Variants in TCF20 observed in about 807,000 individuals in gnomAD.
The protein encoded by TCF20 is SPRE-binding protein.
In TCF20, 3 loss-of-function variants were observed where a neutral mutation model predicts 148.6. That is an observed-to-expected ratio of 0.02 (90% CI 0.01 to 0.05). The LOEUF (loss-of-function observed/expected upper bound fraction) is 0.05, where lower values mean the gene tolerates loss of function less well. TCF20 is among the 10% of genes least tolerant of loss of function. The pLI, the probability that TCF20 is intolerant of heterozygous loss-of-function variation, is 1.00. For missense variants in TCF20, 2,350 were observed against 2,429.3 expected (o/e 0.97, Z 0.69); for synonymous variants, 1,049 against 909.5 (o/e 1.15, Z -2.76).
chr22:42,300,669 A>G (rs2147033501), intron 1 of TCF20, among the ~76,000 whole-genome samples: 1 of 152,274 alleles, frequency 6.6e-6, no homozygotes, highest in Middle Eastern at 3.4e-3. Flanking sequence ...AAAGGGAAGT[A>G]TAGGGAGGTT....
chr22:42,243,309 A>AAAAAAAAAAAAAAAAAAAAC (rs1924615794), intron 1 of TCF20, among the ~76,000 whole-genome samples: 1 of 147,184 alleles, frequency 6.8e-6, no homozygotes, highest in African/African-American at 2.5e-5. Context: ...AAAAAAAAAA[A>AAAAAAAAAAAAAAAAAAAAC]AAAAAAAAAA....
chr22:42,240,778 T>C (rs1924323454), intron 1 of TCF20, among the ~76,000 whole-genome samples: 1 of 152,072 alleles, frequency 6.6e-6, no homozygotes, highest in South Asian at 2.1e-4. Flanking sequence ...GGAGTAAGAC[T>C]GAAGTAGAAG....
chr22:42,216,018 A>G (rs1222096184), intron 1 of TCF20, among the ~76,000 whole-genome samples: 1 of 148,164 alleles, frequency 6.7e-6, no homozygotes, highest in Non-Finnish European at 1.5e-5. Context: ...AAAAACAGCA[A>G]TTTTTCAATA....
chr22:42,276,095 TTGTC>T (rs1926772588), intron 1 of TCF20, among the ~76,000 whole-genome samples: 1 of 152,194 alleles, frequency 6.6e-6, no homozygotes, highest in South Asian at 2.1e-4. Context: ...AGCCACATCA[TTGTC>T]TGGGCTCCAC....
chr22:42,291,754 C>T (rs1166202395), intron 1 of TCF20, among the ~76,000 whole-genome samples: 1 of 151,954 alleles, frequency 6.6e-6, no homozygotes, highest in Non-Finnish European at 1.5e-5. Flanking sequence ...AGGTGGAGTC[C>T]TGGGGCCACA....
intron 1 of TCF20, among the ~76,000 whole-genome samples, chr22:42,255,806 T>C (rs543583744): frequency 2.6e-5 from 4 of 152,128 alleles, no homozygotes; most frequent in Admixed American, 6.6e-5. Context: ...CCCCCAACCA[T>C]GTATTCACAC....
chr22:42,208,781 A>G (rs1183321562), intron 2 of TCF20, among the ~76,000 whole-genome samples: 1 of 152,200 alleles, frequency 6.6e-6, no homozygotes, highest in Non-Finnish European at 1.5e-5. Flanking sequence ...TTATAAAGAG[A>G]GCAGAGAAAA....
chr22:42,336,660 C>A (rs1243755092), intron 1 of TCF20, among the ~76,000 whole-genome samples: 1 of 152,176 alleles, frequency 6.6e-6, no homozygotes, highest in Non-Finnish European at 1.5e-5. Flanking sequence ...GCCCCTAAAC[C>A]CCCTCCACAC....
At chr22:42,195,605 T>G (rs958355286) in intron 2 of TCF20, among the ~76,000 whole-genome samples, 12 of 151,750 alleles carry the variant, frequency 7.9e-5, no homozygotes, top group African/African-American at 2.9e-4. Flanking sequence ...GTTCAAGCGA[T>G]TCTCCCGCCT....
intron 1 of TCF20, among the ~76,000 whole-genome samples, chr22:42,235,085 T>A (rs1362602116): frequency 6.8e-6 from 1 of 147,286 alleles, no homozygotes; most frequent in Non-Finnish European, 1.5e-5. Context: ...GAAGTTGCAG[T>A]GAGCCGAGAT....
chr22:42,287,395 G>T (rs146692224), upstream of TCF20, among the ~76,000 whole-genome samples: 1 of 152,310 alleles, frequency 6.6e-6, no homozygotes, highest in Non-Finnish European at 1.5e-5. Context: ...GAGTTACCCA[G>T]TCACACCACT....
chr22:42,327,798 G>T (rs1245987068), intron 1 of TCF20, among the ~76,000 whole-genome samples: 1 of 150,936 alleles, frequency 6.6e-6, no homozygotes, highest in African/African-American at 2.4e-5. Flanking sequence ...ACCGCTCCCA[G>T]AGGGCCCAGC....
intron 1 of TCF20, among the ~76,000 whole-genome samples, chr22:42,311,565 A>T (rs1927537258): frequency 6.6e-6 from 1 of 152,030 alleles, no homozygotes; most frequent in African/African-American, 2.4e-5. Flanking sequence ...ACCATCATAC[A>T]CCCATGTTGT....
chr22:42,177,141 G>A (rs1410984063), intron 3 of TCF20, among the ~76,000 whole-genome samples: 18 of 152,132 alleles, frequency 1.2e-4, no homozygotes, highest in African/African-American at 7.2e-5. Context: ...AACGCTGGGC[G>A]CGGTGGCTCA....
At position 42,160,232 on chromosome 22, in the gene TCF20, A is replaced by C. The variant is rs796141931; in HGVS notation, c.*1171T>G. On this transcript the variant is annotated 3_prime_UTR_variant, in exon 6 of 6. Coordinates refer to ENST00000677622, the MANE Select transcript of TCF20 (RefSeq NM_001378418.1). ...AAAAATTATACAATTTACAAAACAA[A>C]ACAACACAACATAAAGAATCACGTA... 3.9e-5 allele frequency: 6 copies of C among 152,746 alleles called. No homozygotes were observed. Among genetic ancestry groups the C allele is most frequent in the East Asian group, 3.9e-4 (2 of 5,190 alleles). The allele number at this position is 152,746 out of a possible 1,614,324, so 9.5% of individuals were successfully genotyped here. A position where few individuals can be genotyped will look rare whatever the true frequency, so the allele number is the denominator to read the frequency against.
Position 42,310,443 on chromosome 22 carries a change from G to C in TCF20, c.-37+33036C>G, listed in dbSNP as rs901121039. 1.9e-4 allele frequency among the ~76,000 whole-genome samples: 26 copies of C among 133,596 alleles called. 1 individual carries two copies. The highest frequency in any genetic ancestry group is 8.5e-3 in the Middle Eastern group (2 of 236). The allele number at this position is 133,596 out of a possible 152,430, so 87.6% of individuals were successfully genotyped here. A position where few individuals can be genotyped will look rare whatever the true frequency, so the allele number is the denominator to read the frequency against. On this transcript the variant is annotated intron_variant, in intron 1 of 1. Transcript: ENST00000515426. ...ATGCCAGCTCTCTGGGGGGTTGTGC[G>C]GGGGGGAGTAAGTGGTGCTAAGAGA...
chr22:42,182,768 G>A (rs555704799), intron 2 of TCF20, among the ~76,000 whole-genome samples: 7 of 152,282 alleles, frequency 4.6e-5, no homozygotes, highest in South Asian at 4.1e-4. Context: ...ACAGAGTCTC[G>A]TTCTGTCACC....
At position 42,213,782 on chromosome 22, in the gene TCF20, T is replaced by C. The variant is rs954170069; in HGVS notation, c.1524A>G (p.Glu508=). The change falls in exon 2 of 6, where the codon GAA becomes GAG. Residue 508 remains glutamate (E), a synonymous_variant. Transcript: ENST00000677622. ...CTGCCATAGGGGACTTCAGCTGTTC[T>C]TCAGGTTGTGAGGAGCCTTCAGAAT... is the stretch of plus-strand genomic sequence containing the variant. ...CTNSEGSSQP[E]EQLKSPMAES... 2.1e-5 allele frequency: 34 copies of C among 1,614,008 alleles called. No homozygotes were observed. Among genetic ancestry groups the C allele is most frequent in the Non-Finnish European group, 2.5e-5 (29 of 1,180,032 alleles).
intron 1 of TCF20, among the ~76,000 whole-genome samples, chr22:42,325,948 G>T (rs1397944431): frequency 6.6e-6 from 1 of 152,132 alleles, no homozygotes; most frequent in Non-Finnish European, 1.5e-5. Context: ...GTAAGACATG[G>T]TTTCTCCCAG....
Sources: allele counts gnomAD v4.1 joint callset (sites outside exome capture counted in the v4.1 genomes callset), GRCh38; gene constraint gnomAD v4.1.1; transcripts MANE v1.5; gene names NCBI Gene and HGNC (gene_info 2026-07-23, HGNC 2026-07-21).